Variants in TBC1D14 observed in about 807,000 individuals in gnomAD.
TBC1D14 encodes the protein TBC1 domain family, member 14.
A neutral mutation model predicts 79.0 loss-of-function variants in TBC1D14; 26 were observed. The observed-to-expected ratio is 0.33, with a 90% CI of 0.24 to 0.46. TBC1D14 has a LOEUF of 0.46. Among genes scored for constraint, TBC1D14 ranks in the 20% least tolerant of loss-of-function variants. The pLI is 1.00. For synonymous variants in TBC1D14, 394 were observed against 349.9 expected (o/e 1.13, Z -1.40); for missense variants, 769 against 887.6 (o/e 0.87, Z 1.70).
chr4:6,931,258 G>A (rs769462630), intron 2 of TBC1D14, among the ~76,000 whole-genome samples: 2 of 152,178 alleles, frequency 1.3e-5, no homozygotes, highest in Non-Finnish European at 2.9e-5. Context: ...AAATTCCCTG[G>A]TTGTGTGTTT....
chr4:7,010,065 T>A, intron 10 of TBC1D14, 117 bp downstream of exon 10: 1 of 1,164,500 alleles, frequency 8.6e-7, no homozygotes, highest in Admixed American at 1.7e-5. Context: ...CCGAGGAGTA[T>A]GAAAAGTCTC....
intron 2 of TBC1D14, among the ~76,000 whole-genome samples, chr4:6,965,380 A>G (rs1327786115): frequency 1.3e-5 from 2 of 152,098 alleles, no homozygotes; most frequent in Admixed American, 1.3e-4. Flanking sequence ...TTTTCATGAC[A>G]TTGACATTTT....
intron 2 of TBC1D14, among the ~76,000 whole-genome samples, chr4:6,935,838 T>A (rs1391731616): frequency 7.2e-5 from 11 of 152,078 alleles, no homozygotes; most frequent in Non-Finnish European, 4.4e-5. Flanking sequence ...GAAATGGGGT[T>A]TCACTGTGTT....
Position 6,994,086 on chromosome 4 carries a change from G to A in TBC1D14, c.844-98G>A, listed in dbSNP as rs1718770701. ...TTTTGGCGAATTGTCCTCGAAATTG[G>A]CTTAAAAGAGTTTCATGACAAAACA... On this transcript the variant is annotated intron_variant, in intron 3 of 13. Transcript: ENST00000409757. The A allele has an allele frequency of 3.7e-6, 4 of 1,071,116 alleles. No homozygotes were observed. In the Admixed American group the frequency reaches 7.2e-5, roughly 19 times the overall value. The allele number at this position is 1,071,116 out of a possible 1,614,324, so 66.4% of individuals were successfully genotyped here. A position where few individuals can be genotyped will look rare whatever the true frequency, so the allele number is the denominator to read the frequency against.
chr4:6,911,101 C>G (rs935252319), intron 1 of TBC1D14, among the ~76,000 whole-genome samples: 1 of 152,178 alleles, frequency 6.6e-6, no homozygotes, highest in African/African-American at 2.4e-5. Flanking sequence ...TAGAACACTT[C>G]CTGTTGCCCA....
chr4:6,983,162 G>A (rs920060024), intron 3 of TBC1D14, among the ~76,000 whole-genome samples: 2 of 152,072 alleles, frequency 1.3e-5, no homozygotes, highest in African/African-American at 4.8e-5. Context: ...AGTAGAGACA[G>A]GGTTTCACCA....
chr4:6,998,915 G>T (rs1719366373), intron 5 of TBC1D14, 170 bp from the exon 6 acceptor site: 4 of 607,142 alleles, frequency 6.6e-6, no homozygotes, highest in Non-Finnish European at 1.2e-5. Context: ...GGTGGATAAT[G>T]CCTGAGCCTT....
chr4:6,916,403 T>G (rs1723405684), intron 1 of TBC1D14, among the ~76,000 whole-genome samples: 1 of 152,188 alleles, frequency 6.6e-6, no homozygotes, highest in African/African-American at 2.4e-5. Context: ...CTAAGCGGAT[T>G]TTTTTCCCCT....
At chr4:6,924,476 G>A (rs1156537842) in intron 2 of TBC1D14, among the ~76,000 whole-genome samples, 1 of 152,164 alleles carries the variant, frequency 6.6e-6, no homozygotes, top group Non-Finnish European at 1.5e-5. Context: ...TGAGGGTGAC[G>A]CCAGTGAGTA....
chr4:7,014,658 A>G, intron 12 of TBC1D14, 101 bp downstream of exon 12: 3 of 788,818 alleles, frequency 3.8e-6, no homozygotes, highest in African/African-American at 1.7e-5. Flanking sequence ...CTGAGTCCTC[A>G]TATCCTGCTT....
At chr4:6,953,864 G>A (rs1187502194) in intron 2 of TBC1D14, among the ~76,000 whole-genome samples, 5 of 152,218 alleles carry the variant, frequency 3.3e-5, no homozygotes, top group African/African-American at 1.2e-4. Flanking sequence ...CAGACGCTCA[G>A]GAAGCGCTGT....
chr4:6,962,974 G>A (rs80003399), intron 2 of TBC1D14, among the ~76,000 whole-genome samples: 2,121 of 152,324 alleles, frequency 0.014, 24 homozygotes, highest in Non-Finnish European at 0.021. Context: ...AGATCCTGGG[G>A]ATGCAGAGGT....
chr4:7,010,297 T>C (rs996559255), intron 10 of TBC1D14, among the ~76,000 whole-genome samples: 2 of 152,214 alleles, frequency 1.3e-5, no homozygotes, highest in African/African-American at 2.4e-5. Context: ...TGTGTGCGCA[T>C]GCATGGTTTG....
intron 13 of TBC1D14, among the ~76,000 whole-genome samples, chr4:7,029,377 A>G (rs531449793): frequency 7.2e-5 from 11 of 152,238 alleles, no homozygotes; most frequent in Non-Finnish European, 1.5e-4. Context: ...ACTTCCGTAC[A>G]TGTCTGTTGT....
At chr4:6,934,866 C>A (rs1712155805) in intron 2 of TBC1D14, among the ~76,000 whole-genome samples, 1 of 152,020 alleles carries the variant, frequency 6.6e-6, no homozygotes, top group African/African-American at 2.4e-5. Flanking sequence ...TCACTTTAAA[C>A]TGGGAGCTTG....
chr4:7,027,404 T>C (rs570153561), intron 13 of TBC1D14, among the ~76,000 whole-genome samples: 2 of 73,970 alleles, frequency 2.7e-5, no homozygotes, highest in South Asian at 5.7e-4. Flanking sequence ...ACCCACACAA[T>C]CACCCCCCAC....
At chr4:6,946,325 A>G (rs563097692) in intron 2 of TBC1D14, among the ~76,000 whole-genome samples, 2 of 151,936 alleles carry the variant, frequency 1.3e-5, no homozygotes, top group East Asian at 3.9e-4. Flanking sequence ...TTATTTATTT[A>G]TTTTACTTGT....
In TBC1D14 at chr4:6,913,086, C is replaced by A. The variant is rs375562041; in HGVS notation, c.-18+3135C>A. On this transcript the variant is annotated intron_variant, in intron 1 of 13. Coordinates refer to ENST00000409757, the MANE Select transcript of TBC1D14 (RefSeq NM_020773.3). ...TCTCGGCTCACTGCAACCTTTGTCT[C>A]CCAGGTTCAAGCGATTCTCCTGCCT... Among the ~76,000 whole-genome samples, 14 of 149,598 alleles carry A rather than the reference C, an allele frequency of 9.4e-5. No homozygotes were observed. In the East Asian group the frequency reaches 1.6e-3, roughly 17 times the overall value.
At chr4:6,935,540 T>TCTCTCCCTTTTCCTCTTCCTC (rs1473999512) in intron 2 of TBC1D14, among the ~76,000 whole-genome samples, 2 of 151,974 alleles carry the variant, frequency 1.3e-5, no homozygotes, top group African/African-American at 4.8e-5. Context: ...CTTCCCTCTA[T>TCTCTCCCTTTTCCTCTTCCTC]CTCTCCCTTT....
Sources: gnomAD v4.1 joint callset for allele counts (sites outside exome capture counted in the v4.1 genomes callset) on GRCh38, gnomAD v4.1.1 for gene constraint, MANE v1.5 for transcripts, NCBI Gene and HGNC (gene_info 2026-07-23, HGNC 2026-07-21) for gene names.